The following DYNC2H1 variants were observed in gnomAD, a reference collection of about 807,000 sequenced individuals.
DYNC2H1 encodes cytoplasmic dynein 2 heavy chain 1.
A neutral mutation model predicts 570.0 loss-of-function variants in DYNC2H1; 410 were observed. The ratio of observed to expected loss-of-function variants is 0.72; its 90% confidence interval spans 0.66 to 0.78. DYNC2H1 has a LOEUF of 0.78. DYNC2H1 is among the 30% of genes least tolerant of loss of function. The pLI, the probability that DYNC2H1 is intolerant of heterozygous loss-of-function variation, is 0.00. For synonymous variants in DYNC2H1, 1,688 were observed against 1,677.6 expected (o/e 1.01, Z -0.15); for missense variants, 4,865 against 5,046.4 (o/e 0.96, Z 1.09).
intron 65 of DYNC2H1, among the ~76,000 whole-genome samples, chr11:103,246,742 A>G (rs1253932473): frequency 2.0e-5 from 3 of 151,964 alleles, no homozygotes; most frequent in South Asian, 4.1e-4. Context: ...TTTTTTCATC[A>G]TACATTAACT....
At chr11:103,224,654 A>G (rs1863734658) in intron 59 of DYNC2H1, among the ~76,000 whole-genome samples, 1 of 152,170 alleles carries the variant, frequency 6.6e-6, no homozygotes, top group Non-Finnish European at 1.5e-5. Flanking sequence ...TGGCTGAATG[A>G]TGGGCATTGG....
intron 83 of DYNC2H1, among the ~76,000 whole-genome samples, chr11:103,366,872 T>C (rs1305091693): frequency 6.6e-6 from 1 of 152,176 alleles, no homozygotes; most frequent in African/African-American, 2.4e-5. Context: ...ATCCTTGAAA[T>C]TTGATATCCC....
At position 103,133,785 on chromosome 11, in the gene DYNC2H1, T is replaced by A; in HGVS notation, c.2106+78T>A. On this transcript the variant is annotated intron_variant, in intron 14 of 88. Coordinates refer to ENST00000375735, the MANE Select transcript of DYNC2H1 (RefSeq NM_001377.3). The surrounding 1 kb of genome is among the most constrained non-coding windows in gnomAD (Gnocchi z 4.8). ...TCATTAAGATACAATTTTTAAAAACTTATTTTGAAATAATTTGAGACTTAA... is the reference window on the plus strand; with the variant it reads ...TCATTAAGATACAATTTTTAAAAACATATTTTGAAATAATTTGAGACTTAA... 1 of 1,393,628 alleles carries A rather than the reference T, an allele frequency of 7.2e-7. No individual in the cohort carries two copies. The highest frequency in any genetic ancestry group is 9.6e-7 in the Non-Finnish European group (1 of 1,042,972). The allele number at this position is 1,393,628 out of a possible 1,614,324, so 86.3% of individuals were successfully genotyped here. A position where few individuals can be genotyped will look rare whatever the true frequency, so the allele number is the denominator to read the frequency against.
chr11:103,342,839 G>C (rs61896777), intron 82 of DYNC2H1, among the ~76,000 whole-genome samples: 32,949 of 151,866 alleles, frequency 0.22, 3,714 homozygotes, highest in Admixed American at 0.31. Flanking sequence ...CTTCATTCTT[G>C]AAGTCAGAGA....
chr11:103,332,754 C>A (rs1281666599), intron 82 of DYNC2H1, among the ~76,000 whole-genome samples: 2 of 152,316 alleles, frequency 1.3e-5, no homozygotes, highest in East Asian at 1.9e-4. Flanking sequence ...GCTATTCCAG[C>A]ACTTTGGGAG....
intron 31 of DYNC2H1, among the ~76,000 whole-genome samples, chr11:103,166,490 C>CT (rs1861308857): frequency 6.6e-6 from 1 of 152,078 alleles, no homozygotes; most frequent in South Asian, 2.1e-4. Flanking sequence ...TAAAGAACTT[C>CT]TTTTAGTGTT....
Position 103,129,451 on chromosome 11 carries a change from G to C in DYNC2H1, c.1953+446G>C, listed in dbSNP as rs148177972. Among the ~76,000 whole-genome samples, 1 of 152,184 alleles carries C rather than the reference G, an allele frequency of 6.6e-6. No individual in the cohort carries two copies. The highest frequency in any genetic ancestry group is 1.5e-5 in the Non-Finnish European group (1 of 68,020). On this transcript the variant is annotated intron_variant, in intron 13 of 88. Transcript: ENST00000375735. The surrounding 1 kb of genome is among the most constrained non-coding windows in gnomAD (Gnocchi z 4.1). Reference sequence around the variant, plus strand: ...TCATCCCAGCACTTTCGAGGCCGAGGCGGGTGGATCACCTGACATCAGGGG... The same window carrying C: ...TCATCCCAGCACTTTCGAGGCCGAGCCGGGTGGATCACCTGACATCAGGGG...
Position 103,234,086 on chromosome 11 carries a change from G to A in DYNC2H1, c.9493G>A (p.Ala3165Thr), listed in dbSNP as rs1299812914. 1 of 1,568,050 alleles carries A rather than the reference G, an allele frequency of 6.4e-7. No individual in the cohort carries two copies. Among genetic ancestry groups the A allele is most frequent in the Non-Finnish European group, 8.7e-7 (1 of 1,155,220 alleles). The change falls in exon 61 of 89, where the codon GCA (alanine) becomes ACA (threonine). Residue 3165 changes from alanine to threonine, a missense_variant. By Grantham distance (58) the Ala-to-Thr change is moderately conservative. Coordinates refer to ENST00000375735, the MANE Select transcript of DYNC2H1 (RefSeq NM_001377.3). The stretch of plus-strand genomic sequence containing the variant: ...CAAACTTGAGGCTGAAGTAAGCAAG[G>A]CACAAGAAACAATCAAAGCTGCAGA... ...AAKLEAEVSK[A>T]QETIKAAEVL...
intron 75 of DYNC2H1, among the ~76,000 whole-genome samples, chr11:103,298,282 A>G (rs1445382942): frequency 6.6e-6 from 1 of 152,098 alleles, no homozygotes; most frequent in Non-Finnish European, 1.5e-5. Context: ...CCTATTGCTC[A>G]AACGCATGTT....
At chr11:103,389,950 G>A (rs1019236522) in intron 83 of DYNC2H1, among the ~76,000 whole-genome samples, 1 of 152,156 alleles carries the variant, frequency 6.6e-6, no homozygotes, top group African/African-American at 2.4e-5. Context: ...GTGTGGTGTG[G>A]TGCTGAGAAG....
intron 65 of DYNC2H1, among the ~76,000 whole-genome samples, chr11:103,248,822 A>T (rs1864720473): frequency 6.6e-6 from 1 of 152,066 alleles, no homozygotes; most frequent in African/African-American, 2.4e-5. Flanking sequence ...CAGTGAGTGC[A>T]TCTAAATATA....
intron 65 of DYNC2H1, 112 bp from the exon 66 acceptor site, chr11:103,253,173 A>T: frequency 8.8e-7 from 1 of 1,140,368 alleles, no homozygotes; most frequent in South Asian, 2.0e-5. Context: ...TTGCCGTCTT[A>T]GACTCTGTCG....
At position 103,204,731 on chromosome 11, in the gene DYNC2H1, C is replaced by CT; in HGVS notation, c.8312-91_8312-90insT. Reference sequence around the variant, plus strand: ...ATTGTGCTCGTTTTAAGAAACAACTCCTACTATTTCATTTGAGAAAATTTT... The same window carrying CT: ...ATTGTGCTCGTTTTAAGAAACAACTCTCTACTATTTCATTTGAGAAAATTTT... On this transcript the variant is annotated intron_variant, in intron 51 of 88. Coordinates refer to ENST00000375735, the MANE Select transcript of DYNC2H1 (RefSeq NM_001377.3). This position sits in a 1 kb window ranked among gnomAD's most constrained non-coding sequence, Gnocchi z 4.1. 6.7e-6 allele frequency: 6 copies of CT among 895,558 alleles called. No individual in the cohort carries two copies. The South Asian group carries it at 1.2e-4, about 18-fold the overall frequency. 55.5% of individuals were successfully genotyped at this position (895,558 alleles called of 1,614,324 possible).
intron 75 of DYNC2H1, among the ~76,000 whole-genome samples, chr11:103,291,445 A>AAATAAAT (rs1555091735): frequency 1.3e-5 from 2 of 151,630 alleles, no homozygotes; most frequent in Non-Finnish European, 2.9e-5. Context: ...CTCAATAAAT[A>AAATAAAT]AATAAATAAA....
intron 82 of DYNC2H1, among the ~76,000 whole-genome samples, chr11:103,355,596 A>G (rs1306246804): frequency 2.0e-5 from 3 of 152,238 alleles, no homozygotes; most frequent in Non-Finnish European, 4.4e-5. Flanking sequence ...AAACATACCA[A>G]TTGCTCAGGA....
Position 103,177,749 on chromosome 11 carries a change from A to G in DYNC2H1, c.6068A>G (p.Asp2023Gly). 4 of 1,613,454 alleles carry G rather than the reference A, an allele frequency of 2.5e-6. No individual in the cohort carries two copies. The Admixed American group carries it at 6.7e-5, about 27-fold the overall frequency. ...MPRYQLLGHI[D>G]MDTREWSDGV... is the part of the protein sequence containing the mutation. ...CGATATCAATTATTAGGCCATATTG[A>G]CATGGACACAAGAGAATGGTCTGAT... The change falls in exon 38 of 89, where the codon GAC becomes GGC. Residue 2023 changes from aspartate to glycine, a missense_variant. By Grantham distance (94) the Asp-to-Gly change is moderately conservative. Transcript: ENST00000375735. This position sits in a 1 kb window ranked among gnomAD's most constrained non-coding sequence, Gnocchi z 4.4.
At chr11:103,357,000 G>T (rs553386878) in intron 82 of DYNC2H1, among the ~76,000 whole-genome samples, 4 of 152,088 alleles carry the variant, frequency 2.6e-5, no homozygotes, top group African/African-American at 4.8e-5. Context: ...GATATATCTG[G>T]TTTTTTGGAT....
Position 103,109,754 on chromosome 11 carries a change from C to T in DYNC2H1, c.180C>T (p.Ile60=). Residue 60 remains isoleucine, a synonymous_variant, in exon 1 of 89, where the codon ATC becomes ATT. Transcript: ENST00000375735. The part of the protein sequence containing the change: ...LLRVQRSDAG[I]SFSNTIEFGD... ...GGGTGCAGCGATCCGACGCAGGAAT[C>T]TCCTTTTCCAACACGGTACGGTTCC... The T allele has an allele frequency of 1.2e-6, 2 of 1,613,626 alleles. No homozygotes were observed. The highest frequency in any genetic ancestry group is 1.7e-6 in the Non-Finnish European group (2 of 1,179,696).
intron 6 of DYNC2H1, 97 bp downstream of exon 6, chr11:103,117,960 G>A: frequency 1.0e-6 from 1 of 992,624 alleles, no homozygotes; most frequent in Non-Finnish European, 1.4e-6. Flanking sequence ...CTATACATCT[G>A]CTGGAAATTA....
Sources: gnomAD v4.1 joint callset for allele counts (sites outside exome capture counted in the v4.1 genomes callset) on GRCh38, gnomAD v4.1.1 for gene constraint, Gnocchi (gnomAD v3.1) non-coding constraint, MANE v1.5 for transcripts, NCBI Gene and HGNC (gene_info 2026-07-23, HGNC 2026-07-21) for gene names.